Variants in LYPLAL1 observed in about 807,000 individuals in gnomAD.
The protein encoded by LYPLAL1 is lysophospholipase-like protein 1.
In LYPLAL1, 23 loss-of-function variants were observed where a neutral mutation model predicts 19.7. The observed-to-expected ratio is 1.17, with a 90% confidence interval of 0.84 to 1.65. The LOEUF is 1.65. Among genes scored for constraint, LYPLAL1 ranks in the 40% most tolerant of loss-of-function variants. LYPLAL1 has a pLI of 0.00. For synonymous variants in LYPLAL1, 119 were observed against 96.3 expected, an observed-to-expected ratio of 1.24 and a Z score of -1.38; for missense variants, 355 against 279.4, an observed-to-expected ratio of 1.27 and a Z score of -1.93.
the LYPLAL1 span, among the ~76,000 whole-genome samples, chr1:219,355,325 G>A: frequency 6.6e-6 from 1 of 151,922 alleles, no homozygotes; most frequent in Non-Finnish European, 1.5e-5. Flanking sequence ...TCACGGATAA[G>A]CAAATAAAGG....
chr1:219,246,606 A>G, the LYPLAL1 span, among the ~76,000 whole-genome samples: 1 of 152,172 alleles, frequency 6.6e-6, no homozygotes, highest in South Asian at 2.1e-4. Flanking sequence ...TTTCTCTTGG[A>G]GACAGGGTCT....
At chr1:219,313,902 A>G in the LYPLAL1 span, among the ~76,000 whole-genome samples, 132,399 of 152,174 alleles carry the variant, frequency 0.87, 57,795 homozygotes, top group East Asian at 0.97. Context: ...CAGGGGTTTG[A>G]TGTACAGATT....
chr1:219,330,035 G>A, the LYPLAL1 span, among the ~76,000 whole-genome samples: 10 of 152,100 alleles, frequency 6.6e-5, no homozygotes, highest in African/African-American at 2.4e-4. Flanking sequence ...ACTGGGGAAT[G>A]GGCTTACAGA....
chr1:219,175,899 T>C (rs1251312143), intron 1 of LYPLAL1, among the ~76,000 whole-genome samples: 1 of 152,206 alleles, frequency 6.6e-6, no homozygotes, highest in African/African-American at 2.4e-5. Context: ...CACACTCAGT[T>C]TTGCCATACT....
At chr1:219,187,955 A>T (rs1007401254) in intron 2 of LYPLAL1, among the ~76,000 whole-genome samples, 2 of 151,840 alleles carry the variant, frequency 1.3e-5, no homozygotes, top group South Asian at 2.1e-4. Flanking sequence ...ATGATTTTTT[A>T]AAAAAGAAAC....
the LYPLAL1 span, among the ~76,000 whole-genome samples, chr1:219,220,104 C>CT: frequency 3.3e-5 from 5 of 152,040 alleles, no homozygotes; most frequent in Non-Finnish European, 4.4e-5. Context: ...ATAACTTCAT[C>CT]TTTTTTCCAA....
chr1:219,395,955 T>C, the LYPLAL1 span, among the ~76,000 whole-genome samples: 6 of 152,074 alleles, frequency 3.9e-5, no homozygotes, highest in South Asian at 8.3e-4. Flanking sequence ...TACAAAAAAT[T>C]AGCCGGGCAT....
the LYPLAL1 span, among the ~76,000 whole-genome samples, chr1:219,306,815 G>GAT: frequency 1.3e-5 from 1 of 77,696 alleles, no homozygotes; most frequent in Non-Finnish European, 2.4e-5. Flanking sequence ...GATAGATATA[G>GAT]ATAGATAGAT....
downstream of LYPLAL1, among the ~76,000 whole-genome samples, chr1:219,214,688 C>CTTTT (rs11477665): frequency 5.5e-5 from 5 of 90,368 alleles, no homozygotes; most frequent in Non-Finnish European, 7.0e-5. Context: ...TTTTTCTTTT[C>CTTTT]TTTTTTTTTT....
At chr1:219,203,233 A>G (rs1658264328) in intron 3 of LYPLAL1, among the ~76,000 whole-genome samples, 2 of 151,584 alleles carry the variant, frequency 1.3e-5, no homozygotes, top group African/African-American at 4.8e-5. Context: ...ATAGGAGCCC[A>G]TTCTTTGCGG....
the LYPLAL1 span, among the ~76,000 whole-genome samples, chr1:219,240,733 T>C: frequency 6.6e-6 from 1 of 152,182 alleles, no homozygotes; most frequent in African/African-American, 2.4e-5. Context: ...GTACGGACAG[T>C]ACACTATAGT....
the LYPLAL1 span, chr1:219,222,434 A>G: frequency 1.6e-4 from 25 of 152,276 alleles, no homozygotes; most frequent in African/African-American, 6.0e-4. Flanking sequence ...AATCTCCCTG[A>G]GAGGGCCAAA....
chr1:219,375,471 A>G, the LYPLAL1 span, among the ~76,000 whole-genome samples: 2 of 149,002 alleles, frequency 1.3e-5, no homozygotes, highest in Admixed American at 1.3e-4. Context: ...AGCCTGAGCA[A>G]CAAGAGCAAA....
At chr1:219,333,124 A>G in the LYPLAL1 span, among the ~76,000 whole-genome samples, 1 of 152,056 alleles carries the variant, frequency 6.6e-6, no homozygotes, top group African/African-American at 2.4e-5. Flanking sequence ...CACCCTGCCA[A>G]GGGTACGTGT....
chr1:219,320,593 C>T, the LYPLAL1 span, among the ~76,000 whole-genome samples: 1 of 152,074 alleles, frequency 6.6e-6, no homozygotes, highest in Non-Finnish European at 1.5e-5. Context: ...CTCCCCCCTG[C>T]CCCCATCCCA....
intron 3 of LYPLAL1, among the ~76,000 whole-genome samples, chr1:219,195,465 A>G (rs553137768): frequency 6.6e-6 from 1 of 152,198 alleles, no homozygotes; most frequent in South Asian, 2.1e-4. Context: ...AATAGATAAA[A>G]GGAGAAAATA....
intron 2 of LYPLAL1, among the ~76,000 whole-genome samples, chr1:219,184,813 G>A (rs184182168): frequency 3.8e-4 from 58 of 151,784 alleles, no homozygotes; most frequent in Admixed American, 1.6e-3. Context: ...CTTTTTATAT[G>A]TATCTAAATT....
chr1:219,364,453 C>T, the LYPLAL1 span, among the ~76,000 whole-genome samples: 1 of 152,200 alleles, frequency 6.6e-6, no homozygotes, highest in Non-Finnish European at 1.5e-5. Context: ...TGTATCACTC[C>T]AGAATATGCC....
At chr1:219,333,700 G>A in the LYPLAL1 span, among the ~76,000 whole-genome samples, 3 of 151,966 alleles carry the variant, frequency 2.0e-5, no homozygotes, top group African/African-American at 7.2e-5. Flanking sequence ...AGATTATTCA[G>A]CAAGGCAAAA....
Sources: gnomAD v4.1 joint callset for allele counts (sites outside exome capture counted in the v4.1 genomes callset) on GRCh38, gnomAD v4.1.1 for gene constraint, MANE v1.5 for transcripts, NCBI Gene and HGNC (gene_info 2026-07-23, HGNC 2026-07-21) for gene names.